Variants in TNFSF11 observed in about 807,000 individuals in gnomAD.
TNFSF11 encodes TNF superfamily member 11, also known as tumor necrosis factor ligand superfamily member 11.
TNFSF11 carries 12 observed loss-of-function variants against 32.2 expected under a neutral mutation model. The ratio of observed to expected loss-of-function variants is 0.37; its 90% confidence interval spans 0.24 to 0.60. TNFSF11 has a LOEUF of 0.60. Among genes scored for constraint, TNFSF11 ranks in the 20% least tolerant of loss-of-function variants. The pLI, the probability that TNFSF11 is intolerant of heterozygous loss-of-function variation, is 0.66. For synonymous variants in TNFSF11, 172 were observed against 152.1 expected (o/e 1.13, Z -0.96); for missense variants, 345 against 398.0 (o/e 0.87, Z 1.13).
At chr13:42,577,615 C>T (rs1165954508) in intron 1 of TNFSF11, among the ~76,000 whole-genome samples, 1 of 152,124 alleles carries the variant, frequency 6.6e-6, no homozygotes, top group African/African-American at 2.4e-5. Context: ...TAAAGATAAA[C>T]TTTTCAGAAA....
chr13:42,599,943 G>A (rs1172225527), intron 2 of TNFSF11, among the ~76,000 whole-genome samples: 1 of 152,192 alleles, frequency 6.6e-6, no homozygotes, highest in Non-Finnish European at 1.5e-5. Flanking sequence ...ATGGGGTGCT[G>A]TTAATATCCT....
intron 4 of TNFSF11, among the ~76,000 whole-genome samples, chr13:42,601,277 C>G (rs1195486119): frequency 6.6e-6 from 1 of 152,204 alleles, no homozygotes; most frequent in Admixed American, 6.5e-5. Context: ...TTGTTATGCT[C>G]ATCTGTACTT....
chr13:42,580,978 A>G (rs1873576470), intron 1 of TNFSF11, 148 bp from the exon 2 acceptor site: 1 of 808,798 alleles, frequency 1.2e-6, no homozygotes, highest in East Asian at 2.6e-5. Context: ...CGTTTTCACC[A>G]TCTTGAGGTT....
At chr13:42,598,472 G>A (rs2137898606) in intron 2 of TNFSF11, among the ~76,000 whole-genome samples, 1 of 152,342 alleles carries the variant, frequency 6.6e-6, no homozygotes, top group Non-Finnish European at 1.5e-5. Flanking sequence ...ATGAACAGAG[G>A]AAGGTCTATT....
chr13:42,596,981 C>A (rs906486801), intron 2 of TNFSF11, among the ~76,000 whole-genome samples: 2 of 152,246 alleles, frequency 1.3e-5, no homozygotes, highest in Non-Finnish European at 2.9e-5. Flanking sequence ...CCAGGTCCCT[C>A]ACTGGAATGC....
chr13:42,568,452 C>T (rs1475170403), intron 2 of TNFSF11, among the ~76,000 whole-genome samples: 1 of 152,162 alleles, frequency 6.6e-6, no homozygotes, highest in Non-Finnish European at 1.5e-5. Flanking sequence ...CAGAAGACTG[C>T]CAACATAAAA....
At chr13:42,582,533 G>C (rs1873666664) in intron 2 of TNFSF11, among the ~76,000 whole-genome samples, 1 of 152,192 alleles carries the variant, frequency 6.6e-6, no homozygotes, top group African/African-American at 2.4e-5. Flanking sequence ...GGTTCTAGTT[G>C]TATCTTAATT....
intron 2 of TNFSF11, among the ~76,000 whole-genome samples, chr13:42,587,251 C>T (rs528784485): frequency 7.2e-5 from 11 of 152,282 alleles, no homozygotes; most frequent in African/African-American, 1.4e-4. Context: ...AGCATCATAT[C>T]GGCTGGAAGT....
At chr13:42,599,628 G>T (rs951065189) in intron 2 of TNFSF11, among the ~76,000 whole-genome samples, 2 of 151,940 alleles carry the variant, frequency 1.3e-5, no homozygotes, top group African/African-American at 4.8e-5. Context: ...ACAGTGGTGC[G>T]ATCTCAGCTC....
At chr13:42,595,721 A>T (rs1594475062) in intron 2 of TNFSF11, among the ~76,000 whole-genome samples, 2 of 152,376 alleles carry the variant, frequency 1.3e-5, no homozygotes, top group Admixed American at 1.3e-4. Context: ...GTTAATTTAC[A>T]GCTGGCTTAA....
chr13:42,593,855 C>T (rs1238434882), intron 2 of TNFSF11, among the ~76,000 whole-genome samples: 1 of 152,194 alleles, frequency 6.6e-6, no homozygotes, highest in Admixed American at 6.5e-5. Context: ...ACCTGAGACC[C>T]CAGCTATAAG....
chr13:42,589,391 C>T (rs947230807), intron 2 of TNFSF11, among the ~76,000 whole-genome samples: 2 of 152,142 alleles, frequency 1.3e-5, no homozygotes, highest in Admixed American at 6.5e-5. Context: ...ATCTGGCCAC[C>T]CCCTCCTGGC....
At chr13:42,595,448 A>G (rs1247686734) in intron 2 of TNFSF11, among the ~76,000 whole-genome samples, 1 of 152,214 alleles carries the variant, frequency 6.6e-6, no homozygotes, top group Non-Finnish European at 1.5e-5. Flanking sequence ...GATGATGAAT[A>G]TGCCGTATCC....
At position 42,566,267 on chromosome 13, in the gene TNFSF11, T is replaced by C. The variant is rs370961984; in HGVS notation, c.-301-354T>C. Among the ~76,000 whole-genome samples the C allele has an allele frequency of 6.6e-5, 10 of 152,326 alleles. No individual in the cohort carries two copies. The South Asian group carries it at 1.7e-3, about 25-fold the overall frequency. ...CCCAGTCCTTCTTATGCTGCCATCC[T>C]GGTGAGGAAGCATCTTCCCTACCCC... On this transcript the variant is annotated intron_variant, in intron 1 of 6. Coordinates refer to the TNFSF11 transcript ENST00000358545.
intron 2 of TNFSF11, among the ~76,000 whole-genome samples, chr13:42,567,347 A>G (rs193055301): frequency 1.6e-3 from 239 of 152,358 alleles, no homozygotes; most frequent in African/African-American, 5.2e-3. Context: ...GTTGCTTTCT[A>G]GAAAGTAAGA....
intron 2 of TNFSF11, among the ~76,000 whole-genome samples, chr13:42,595,349 C>A (rs1001577890): frequency 6.6e-6 from 1 of 152,176 alleles, no homozygotes; most frequent in African/African-American, 2.4e-5. Flanking sequence ...CATTGCAAGG[C>A]CTACTTGTTA....
chr13:42,566,109 A>G (rs1295483856), intron 1 of TNFSF11, among the ~76,000 whole-genome samples: 4 of 152,228 alleles, frequency 2.6e-5, no homozygotes, highest in African/African-American at 9.6e-5. Context: ...CCTAAGTATT[A>G]GTAGATTTGG....
intron 2 of TNFSF11, among the ~76,000 whole-genome samples, chr13:42,588,550 A>G (rs1175005135): frequency 6.6e-6 from 1 of 152,278 alleles, no homozygotes; most frequent in East Asian, 1.9e-4. Context: ...ACAGCAAGGG[A>G]TAGATTGGAT....
intron 2 of TNFSF11, among the ~76,000 whole-genome samples, chr13:42,592,675 G>A (rs1868553632): frequency 6.6e-6 from 1 of 152,164 alleles, no homozygotes; most frequent in African/African-American, 2.4e-5. Context: ...GGTGTGATAT[G>A]GTTTGGCTCT....
Sources: gnomAD v4.1 joint callset for allele counts (sites outside exome capture counted in the v4.1 genomes callset) on GRCh38, gnomAD v4.1.1 for gene constraint, MANE v1.5 for transcripts, NCBI Gene and HGNC (gene_info 2026-07-23, HGNC 2026-07-21) for gene names.